The following KCNT2 variants were observed in gnomAD, a reference collection of about 807,000 sequenced individuals.
KCNT2 encodes the protein potassium sodium-activated channel subfamily T member 2.
In KCNT2, 67 loss-of-function variants were observed where a neutral mutation model predicts 153.8. That is an observed-to-expected ratio of 0.44 (90% CI 0.36 to 0.53). The LOEUF (loss-of-function observed/expected upper bound fraction) is 0.53, where lower values mean the gene tolerates loss of function less well. Ranked by LOEUF, KCNT2 falls within the 20% of genes least tolerant of loss-of-function variation. KCNT2 has a pLI of 0.00. For missense variants in KCNT2, 975 were observed against 1,354.8 expected (o/e 0.72, Z 4.40); for synonymous variants, 500 against 458.8 (o/e 1.09, Z -1.15).
chr1:196,523,927 TCTTA>T (rs1384857042), intron 1 of KCNT2, among the ~76,000 whole-genome samples: 1 of 152,208 alleles, frequency 6.6e-6, no homozygotes, highest in Non-Finnish European at 1.5e-5. Flanking sequence ...CTCTCTTCCC[TCTTA>T]CTTGTTGACC....
chr1:196,544,235 C>T (rs1656758704), intron 1 of KCNT2, among the ~76,000 whole-genome samples: 1 of 151,838 alleles, frequency 6.6e-6, no homozygotes, highest in Non-Finnish European at 1.5e-5. Context: ...CTATGACTTC[C>T]TGAAAAGTGA....
chr1:196,418,222 T>A (rs1240429998), intron 12 of KCNT2, among the ~76,000 whole-genome samples: 1 of 152,046 alleles, frequency 6.6e-6, no homozygotes, highest in African/African-American at 2.4e-5. Flanking sequence ...ACACCTGTAA[T>A]CCCAGCGCTT....
intron 8 of KCNT2, among the ~76,000 whole-genome samples, chr1:196,454,065 C>T (rs1468598444): frequency 1.3e-5 from 2 of 151,670 alleles, no homozygotes; most frequent in African/African-American, 2.4e-5. Context: ...CCTTATATTT[C>T]CTGAAATAAT....
chr1:196,408,487 T>C (rs927313270), intron 12 of KCNT2, among the ~76,000 whole-genome samples: 2 of 151,692 alleles, frequency 1.3e-5, no homozygotes, highest in Non-Finnish European at 3.0e-5. Flanking sequence ...TCCATAATTA[T>C]TGTCTCCAAT....
intron 1 of KCNT2, among the ~76,000 whole-genome samples, chr1:196,542,987 T>C (rs575462819): frequency 3.3e-5 from 5 of 152,214 alleles, no homozygotes; most frequent in Admixed American, 2.6e-4. Context: ...GGTGGAACAT[T>C]AAGGAATAAA....
intron 1 of KCNT2, among the ~76,000 whole-genome samples, chr1:196,500,234 G>A (rs143808579): frequency 0.065 from 8,383 of 128,718 alleles, 418 homozygotes; most frequent in Non-Finnish European, 0.094. Context: ...CGGAGAGAGA[G>A]AGAGAGAGAA....
At chr1:196,387,310 A>AT (rs1371496906) in intron 13 of KCNT2, among the ~76,000 whole-genome samples, 1 of 151,570 alleles carries the variant, frequency 6.6e-6, no homozygotes, top group Non-Finnish European at 1.5e-5. Context: ...TCACCATACC[A>AT]TTTTCTACCT....
intron 1 of KCNT2, among the ~76,000 whole-genome samples, chr1:196,583,533 AGAAAT>A (rs1417288437): frequency 3.3e-5 from 5 of 152,120 alleles, no homozygotes; most frequent in African/African-American, 1.2e-4. Context: ...AAAGCAAACT[AGAAAT>A]GAAAAGAGCA....
chr1:196,264,989 A>G (rs976434795), intron 25 of KCNT2, among the ~76,000 whole-genome samples: 1 of 152,158 alleles, frequency 6.6e-6, no homozygotes, highest in Non-Finnish European at 1.5e-5. Context: ...TGCTCTTTCC[A>G]GCCCAAGCCA....
In KCNT2 at chr1:196,573,952, A is replaced by T. The variant is rs551109003; in HGVS notation, c.95+34263T>A. On this transcript the variant is annotated intron_variant, in intron 1 of 27. Coordinates refer to ENST00000294725, the MANE Select transcript of KCNT2 (RefSeq NM_198503.5). ...CAGATACTTAGTTTCTTGAAGGGGGAGAGAGAGAGAGAGAATGAGAGAGAT... is the reference window on the plus strand; with the variant it reads ...CAGATACTTAGTTTCTTGAAGGGGGTGAGAGAGAGAGAGAATGAGAGAGAT... 2.7e-5 allele frequency among the ~76,000 whole-genome samples: 4 copies of T among 150,584 alleles called. 1 individual carries two copies. Among genetic ancestry groups the T allele is most frequent in the African/African-American group, 9.7e-5 (4 of 41,230 alleles).
At chr1:196,573,857 CTT>C (rs1426312029) in intron 1 of KCNT2, among the ~76,000 whole-genome samples, 2 of 151,830 alleles carry the variant, frequency 1.3e-5, no homozygotes, top group African/African-American at 2.4e-5. Flanking sequence ...GTATGTTACT[CTT>C]GTTTACTTTC....
chr1:196,495,355 GT>G (rs1157701013), intron 1 of KCNT2, among the ~76,000 whole-genome samples: 2 of 151,854 alleles, frequency 1.3e-5, no homozygotes, highest in Non-Finnish European at 2.9e-5. Context: ...CTCAGCACCA[GT>G]TTTTTAGCAC....
chr1:196,592,829 G>A (rs1663546719), intron 1 of KCNT2, among the ~76,000 whole-genome samples: 1 of 148,204 alleles, frequency 6.7e-6, no homozygotes, highest in Non-Finnish European at 1.5e-5. Flanking sequence ...TTACTTTTAT[G>A]TATTTTAATT....
At chr1:196,376,502 A>T (rs1668981598) in intron 13 of KCNT2, among the ~76,000 whole-genome samples, 1 of 151,936 alleles carries the variant, frequency 6.6e-6, no homozygotes, top group Non-Finnish European at 1.5e-5. Context: ...GACTACAAAA[A>T]TATTTTCATG....
chr1:196,233,103 T>C (rs1319755393), intron 27 of KCNT2, among the ~76,000 whole-genome samples: 3 of 151,548 alleles, frequency 2.0e-5, no homozygotes, highest in Non-Finnish European at 4.4e-5. Flanking sequence ...TAATATACTA[T>C]GTGAAGGGTC....
intron 16 of KCNT2, among the ~76,000 whole-genome samples, chr1:196,339,846 G>A (rs1006576022): frequency 3.9e-5 from 6 of 152,064 alleles, no homozygotes; most frequent in African/African-American, 1.4e-4. Context: ...GTTCAGTGGT[G>A]AGAGTGAGGT....
At chr1:196,526,310 A>C (rs1654198697) in intron 1 of KCNT2, among the ~76,000 whole-genome samples, 1 of 150,966 alleles carries the variant, frequency 6.6e-6, no homozygotes, top group South Asian at 2.1e-4. Flanking sequence ...ATAATATATA[A>C]ATCATATAAA....
chr1:196,448,957 T>C (rs1572490773), intron 8 of KCNT2, among the ~76,000 whole-genome samples: 1 of 151,778 alleles, frequency 6.6e-6, no homozygotes, highest in East Asian at 1.9e-4. Flanking sequence ...CATGTTTGAA[T>C]AGCACTTTAT....
intron 1 of KCNT2, among the ~76,000 whole-genome samples, chr1:196,528,279 A>C (rs1330664601): frequency 1.3e-5 from 2 of 152,190 alleles, no homozygotes; most frequent in Non-Finnish European, 2.9e-5. Context: ...CTTTACTCTC[A>C]ATATTACAAA....
Sources: gnomAD v4.1 joint callset for allele counts (sites outside exome capture counted in the v4.1 genomes callset) on GRCh38, gnomAD v4.1.1 for gene constraint, MANE v1.5 for transcripts, NCBI Gene and HGNC (gene_info 2026-07-23, HGNC 2026-07-21) for gene names.